The following C2orf76 variants were observed in gnomAD, a reference collection of about 807,000 sequenced individuals.
C2orf76 encodes the protein UPF0538 protein C2orf76.
C2orf76 carries 23 observed loss-of-function variants against 16.9 expected under a neutral mutation model. The observed-to-expected ratio is 1.36, with a 90% CI of 0.98 to 1.93. The LOEUF is 1.93. Ranked by LOEUF, C2orf76 falls within the 30% of genes most tolerant of loss-of-function variation. The pLI is 0.00. For missense variants in C2orf76, 152 were observed against 152.6 expected, an observed-to-expected ratio of 1.00 and a Z score of 0.02; for synonymous variants, 48 against 52.3, an observed-to-expected ratio of 0.92 and a Z score of 0.35.
chr2:119,334,101 G>C (rs551744090), intron 2 of C2orf76, among the ~76,000 whole-genome samples: 4 of 151,928 alleles, frequency 2.6e-5, no homozygotes, highest in African/African-American at 9.7e-5. Flanking sequence ...CCCCTTCAAT[G>C]TATATTTCTA....
downstream of C2orf76, among the ~76,000 whole-genome samples, chr2:119,299,561 G>T (rs780660088): frequency 7.9e-5 from 12 of 152,104 alleles, no homozygotes; most frequent in Admixed American, 7.9e-4. Context: ...TGAAATCCAG[G>T]TGTCAGCAGG....
intron 1 of C2orf76, among the ~76,000 whole-genome samples, chr2:119,353,686 C>T (rs1680477064): frequency 6.6e-6 from 1 of 151,808 alleles, no homozygotes; most frequent in African/African-American, 2.4e-5. Context: ...GCGCAGCCTC[C>T]AGAGTAGCTG....
At chr2:119,337,489 C>T (rs1679887755) in intron 2 of C2orf76, among the ~76,000 whole-genome samples, 1 of 152,094 alleles carries the variant, frequency 6.6e-6, no homozygotes, top group Admixed American at 6.5e-5. Flanking sequence ...AGTATAGTAC[C>T]TGATACAGAG....
At chr2:119,347,567 G>A (rs768497616) in intron 1 of C2orf76, among the ~76,000 whole-genome samples, 10 of 151,956 alleles carry the variant, frequency 6.6e-5, no homozygotes, top group South Asian at 2.1e-4. Flanking sequence ...TTATAGAAGC[G>A]TAGATTAAAA....
intron 1 of C2orf76, among the ~76,000 whole-genome samples, chr2:119,357,743 C>T (rs80234540): frequency 0.013 from 1,944 of 151,986 alleles, 45 homozygotes; most frequent in African/African-American, 0.045. Flanking sequence ...TGAAACAATG[C>T]AAGACAAGGA....
chr2:119,301,078 C>A (rs969059802), downstream of C2orf76, among the ~76,000 whole-genome samples: 17 of 128,440 alleles, frequency 1.3e-4, no homozygotes, highest in East Asian at 4.0e-4. Flanking sequence ...TTCTTAAAAA[C>A]ACACACACAC....
At chr2:119,288,784 CCTGCT>C in the C2orf76 span, among the ~76,000 whole-genome samples, 2 of 152,022 alleles carry the variant, frequency 1.3e-5, no homozygotes, top group African/African-American at 4.8e-5. Flanking sequence ...GAGGCACTCA[CCTGCT>C]TAGGGTCAGC....
At chr2:119,349,685 T>C (rs1253443627) in intron 1 of C2orf76, among the ~76,000 whole-genome samples, 1 of 152,112 alleles carries the variant, frequency 6.6e-6, no homozygotes, top group Admixed American at 6.6e-5. Flanking sequence ...CAGAGGCTCC[T>C]TCAAGACCCA....
rs573202607 is a variant in C2orf76, at chr2:119,353,113, G to A, written c.-12-13142C>T. Among the ~76,000 whole-genome samples, 199 of 152,098 alleles carry A rather than the reference G, an allele frequency of 1.3e-3. 1 individual carries two copies. The highest frequency in any genetic ancestry group is 4.7e-3 in the African/African-American group (193 of 41,490). Reference sequence around the variant, plus strand: ...TGAAACTGCCCTTAATGATTTTGGAGTAAATAATCCTTAAGTACAATTAAA... The same window carrying A: ...TGAAACTGCCCTTAATGATTTTGGAATAAATAATCCTTAAGTACAATTAAA... On this transcript the variant is annotated intron_variant, in intron 1 of 5. Coordinates refer to ENST00000334816, the MANE Select transcript of C2orf76 (RefSeq NM_001322331.2).
chr2:119,366,972 TTGCCAGTGCAA>T, upstream of C2orf76: 1 of 1,592,544 alleles, frequency 6.3e-7, no homozygotes, highest in Non-Finnish European at 8.6e-7. Flanking sequence ...CTAAAGGCGC[TTGCCAGTGCAA>T]TCTGGGCGAT....
intron 1 of C2orf76, among the ~76,000 whole-genome samples, chr2:119,340,771 C>G (rs1318565009): frequency 4.3e-5 from 6 of 138,138 alleles, no homozygotes; most frequent in African/African-American, 1.7e-4. Context: ...CACACACACA[C>G]ACACACACAC....
At chr2:119,293,435 C>T in the C2orf76 span, among the ~76,000 whole-genome samples, 1 of 152,166 alleles carries the variant, frequency 6.6e-6, no homozygotes, top group South Asian at 2.1e-4. Context: ...GTTTGGTGTG[C>T]ACCAGGAAGA....
chr2:119,323,044 G>T (rs1301418663), intron 2 of C2orf76, among the ~76,000 whole-genome samples: 1 of 152,084 alleles, frequency 6.6e-6, no homozygotes, highest in Non-Finnish European at 1.5e-5. Flanking sequence ...TTGAGACAGG[G>T]TCTTGCTCTG....
intron 1 of C2orf76, among the ~76,000 whole-genome samples, chr2:119,343,153 A>T (rs1249164425): frequency 6.6e-6 from 1 of 152,206 alleles, no homozygotes; most frequent in Non-Finnish European, 1.5e-5. Context: ...GTGGTTAATG[A>T]GTTTAACAAA....
At chr2:119,363,000 G>C (rs1680792507) in intron 1 of C2orf76, among the ~76,000 whole-genome samples, 1 of 152,024 alleles carries the variant, frequency 6.6e-6, no homozygotes, top group Non-Finnish European at 1.5e-5. Flanking sequence ...CACCAGTTAT[G>C]AGGAAAGCCA....
intron 1 of C2orf76, among the ~76,000 whole-genome samples, chr2:119,365,085 C>T (rs1340752177): frequency 1.3e-5 from 2 of 151,904 alleles, no homozygotes; most frequent in African/African-American, 2.4e-5. Flanking sequence ...CCACATCACA[C>T]GCGAAAATAA....
chr2:119,292,254 C>T, the C2orf76 span, among the ~76,000 whole-genome samples: 2 of 152,150 alleles, frequency 1.3e-5, no homozygotes, highest in Admixed American at 1.3e-4. Flanking sequence ...ATCCACTGTT[C>T]AGTTTTCTAC....
At chr2:119,340,250 C>T (rs960448836) in intron 1 of C2orf76, 4 of 305,294 alleles carry the variant, frequency 1.3e-5, no homozygotes, top group African/African-American at 2.1e-5. Context: ...ACCAAAGTAA[C>T]ACAGGGGCAT....
intron 1 of C2orf76, among the ~76,000 whole-genome samples, chr2:119,353,335 G>A (rs1391963962): frequency 6.6e-6 from 1 of 152,024 alleles, no homozygotes; most frequent in African/African-American, 2.4e-5. Context: ...ATTAATTTCA[G>A]TTTAAGTTTA....
Sources: gnomAD v4.1 joint callset for allele counts (sites outside exome capture counted in the v4.1 genomes callset) on GRCh38, gnomAD v4.1.1 for gene constraint, MANE v1.5 for transcripts, NCBI Gene and HGNC (gene_info 2026-07-23, HGNC 2026-07-21) for gene names.